The following RERE variants were observed in gnomAD, a reference collection of about 807,000 sequenced individuals.
RERE encodes arginine-glutamic acid dipeptide repeats, also known as arginine-glutamic acid dipeptide repeats protein.
A neutral mutation model predicts 146.1 loss-of-function variants in RERE; 40 were observed. The ratio of observed to expected loss-of-function variants is 0.27; its 90% CI spans 0.21 to 0.36. The LOEUF is 0.36. Among genes scored for constraint, RERE ranks in the 10% least tolerant of loss-of-function variants. The pLI is 1.00. For missense variants in RERE, 1,933 were observed against 2,138.7 expected, an observed-to-expected ratio of 0.90 and a Z score of 1.90; for synonymous variants, 1,003 against 866.0, an observed-to-expected ratio of 1.16 and a Z score of -2.78.
chr1:8,443,218 T>A (rs1644273018), intron 11 of RERE, among the ~76,000 whole-genome samples: 1 of 152,088 alleles, frequency 6.6e-6, no homozygotes, highest in Non-Finnish European at 1.5e-5. Flanking sequence ...ATCCCAGCAC[T>A]TTGAGAGGCC....
intron 1 of RERE, among the ~76,000 whole-genome samples, chr1:8,804,759 G>C (rs1458491033): frequency 1.3e-5 from 2 of 151,996 alleles, no homozygotes; most frequent in African/African-American, 4.8e-5. Flanking sequence ...CTGACAAAAA[G>C]GAAAGAGTTA....
chr1:8,697,304 A>C (rs992171244), intron 1 of RERE, among the ~76,000 whole-genome samples: 1 of 152,248 alleles, frequency 6.6e-6, no homozygotes, highest in African/African-American at 2.4e-5. Context: ...TCAAATGTTC[A>C]ATCTAGATAT....
At chr1:8,765,907 G>A (rs1043993867) in intron 1 of RERE, among the ~76,000 whole-genome samples, 7 of 151,974 alleles carry the variant, frequency 4.6e-5, no homozygotes, top group Admixed American at 3.3e-4. Flanking sequence ...AGTCAAGATC[G>A]CACCACTGCA....
intron 7 of RERE, among the ~76,000 whole-genome samples, chr1:8,514,724 C>T (rs1570374654): frequency 6.7e-6 from 1 of 150,274 alleles, no homozygotes; most frequent in Middle Eastern, 3.5e-3. Context: ...GAATGAAACT[C>T]CGCCTCAAAA....
At chr1:8,487,610 T>C (rs1644919175) in intron 10 of RERE, among the ~76,000 whole-genome samples, 1 of 152,152 alleles carries the variant, frequency 6.6e-6, no homozygotes, top group Non-Finnish European at 1.5e-5. Context: ...TTGTACTTAA[T>C]AGTAAATGAC....
chr1:8,776,383 T>G (rs1641064279), intron 1 of RERE, among the ~76,000 whole-genome samples: 1 of 151,760 alleles, frequency 6.6e-6, no homozygotes, highest in Non-Finnish European at 1.5e-5. Flanking sequence ...TTGCAACCTC[T>G]GCTTCCCAGG....
intron 1 of RERE, among the ~76,000 whole-genome samples, chr1:8,772,596 G>A (rs1355456294): frequency 6.6e-6 from 1 of 152,008 alleles, no homozygotes; most frequent in Admixed American, 6.6e-5. Context: ...CCAACATGGT[G>A]AAACCCCATC....
chr1:8,540,002 A>T (rs1473494165), intron 7 of RERE, among the ~76,000 whole-genome samples: 1 of 152,216 alleles, frequency 6.6e-6, no homozygotes, highest in Non-Finnish European at 1.5e-5. Flanking sequence ...AAATGTTCTC[A>T]ATAAAATGAT....
intron 4 of RERE, among the ~76,000 whole-genome samples, chr1:8,582,056 C>T (rs1224888481): frequency 6.6e-6 from 1 of 152,014 alleles, no homozygotes; most frequent in African/African-American, 2.4e-5. Flanking sequence ...TAATTGCTTG[C>T]TGGTATATAA....
intron 4 of RERE, among the ~76,000 whole-genome samples, chr1:8,577,674 G>A (rs1196108899): frequency 2.0e-5 from 3 of 152,174 alleles, no homozygotes; most frequent in Admixed American, 6.5e-5. Flanking sequence ...GAGATCTAGA[G>A]TATCTCACTG....
At chr1:8,737,908 A>C (rs1316863282) in intron 1 of RERE, among the ~76,000 whole-genome samples, 1 of 152,228 alleles carries the variant, frequency 6.6e-6, no homozygotes, top group African/African-American at 2.4e-5. Flanking sequence ...TTAGATTGTT[A>C]ACTAGCAAAT....
intron 12 of RERE, among the ~76,000 whole-genome samples, chr1:8,370,632 A>G (rs1004068711): frequency 6.6e-6 from 1 of 152,222 alleles, no homozygotes; most frequent in African/African-American, 2.4e-5. Context: ...CGGAAATGGC[A>G]TATTGGTGAC....
intron 4 of RERE, among the ~76,000 whole-genome samples, chr1:8,607,192 C>T (rs1447749984): frequency 6.6e-6 from 1 of 151,890 alleles, no homozygotes; most frequent in Non-Finnish European, 1.5e-5. Context: ...AAAGCCCCGT[C>T]TCTAAAAAAA....
chr1:8,523,296 C>T (rs905097271), intron 7 of RERE, among the ~76,000 whole-genome samples: 5 of 152,188 alleles, frequency 3.3e-5, no homozygotes, highest in South Asian at 2.1e-4. Context: ...GACAGAGGAA[C>T]GCTTTAAATG....
chr1:8,548,001 A>C (rs979374752), intron 6 of RERE, among the ~76,000 whole-genome samples: 4 of 152,366 alleles, frequency 2.6e-5, no homozygotes, highest in Admixed American at 6.5e-5. Context: ...CAGTATATCA[A>C]CATAAGGAAG....
At chr1:8,553,653 A>C (rs552303247) in intron 6 of RERE, among the ~76,000 whole-genome samples, 23 of 152,354 alleles carry the variant, frequency 1.5e-4, no homozygotes, top group African/African-American at 4.8e-4. Flanking sequence ...CACTTTAAAG[A>C]AAACACCACA....
Position 8,358,492 on chromosome 1 carries a change from G to A in RERE, c.4043C>T (p.Ala1348Val). ...HPAANPMEHFARHSALTIPPT... is the reference protein window; with the variant it reads ...HPAANPMEHFVRHSALTIPPT... The stretch of plus-strand genomic sequence containing the variant: ...GGGGATGGTGAGGGCGCTGTGCCGG[G>A]CAAAGTGCTCCATGGGGTTGGCGGC... The change falls in exon 20 of 23, where the codon GCC (alanine) becomes GTC (valine). Residue 1348 changes from alanine (A) to valine (V), a missense_variant. By Grantham distance (64) the Ala-to-Val change is moderately conservative. Around this residue, in one of 11 missense-constraint regions of RERE, gnomAD observed 1,255 missense variants for 1,153.8 expected, o/e 1.09. Transcript: ENST00000400908. 2 of 1,587,462 alleles carry A rather than the reference G, an allele frequency of 1.3e-6. No homozygotes were observed. The highest frequency in any genetic ancestry group is 1.7e-6 in the Non-Finnish European group (2 of 1,166,892).
intron 2 of RERE, among the ~76,000 whole-genome samples, chr1:8,649,948 T>G (rs61785507): frequency 0.065 from 9,830 of 152,052 alleles, 476 homozygotes; most frequent in Non-Finnish European, 0.093. Context: ...GGAAATGTAT[T>G]TGACTAACCT....
intron 1 of RERE, among the ~76,000 whole-genome samples, chr1:8,810,492 G>A (rs942481848): frequency 1.3e-5 from 2 of 152,164 alleles, no homozygotes; most frequent in Non-Finnish European, 2.9e-5. Context: ...TATGGTCCCA[G>A]CTACTCAGGT....
Sources: gnomAD v4.1 joint callset for allele counts (sites outside exome capture counted in the v4.1 genomes callset) on GRCh38, gnomAD v4.1.1 for gene constraint, gnomAD v4.1.1 regional missense constraint, MANE v1.5 for transcripts, NCBI Gene and HGNC (gene_info 2026-07-23, HGNC 2026-07-21) for gene names.